GLB1L3: variants seen among roughly 807,000 people sequenced by gnomAD.
GLB1L3 encodes beta-galactosidase-1-like protein 3.
In GLB1L3, 89 loss-of-function variants were observed where a neutral mutation model predicts 89.5. That is an observed-to-expected ratio of 0.99 (90% CI 0.84 to 1.19). GLB1L3 has a LOEUF of 1.19. GLB1L3 is among the 50% of genes most tolerant of loss of function. The pLI is 0.00. For missense variants in GLB1L3, 812 were observed against 813.3 expected (o/e 1.00, Z 0.02); for synonymous variants, 314 against 312.3 (o/e 1.01, Z -0.06).
intron 8 of GLB1L3, 87 bp downstream of exon 8, chr11:134,292,300 C>CAGCGCACCAGCATGGCACATGT: frequency 1.2e-6 from 1 of 851,708 alleles, no homozygotes; most frequent in Non-Finnish European, 1.9e-6. Flanking sequence ...AAACCAAGTG[C>CAGCGCACCAGCATGGCACATGT]ATCTCGATAC....
chr11:134,308,979 A>C (rs1210316811), intron 10 of GLB1L3, among the ~76,000 whole-genome samples: 1 of 152,206 alleles, frequency 6.6e-6, no homozygotes, highest in Admixed American at 6.5e-5. Context: ...AACACAGTAC[A>C]AAATGGAAGT....
At chr11:134,308,634 T>C (rs1267538001) in intron 10 of GLB1L3, among the ~76,000 whole-genome samples, 25 of 107,754 alleles carry the variant, frequency 2.3e-4, no homozygotes, top group African/African-American at 6.0e-4. Context: ...ACCATCACCA[T>C]CAACACCATC....
downstream of GLB1L3, among the ~76,000 whole-genome samples, chr11:134,320,212 T>A (rs951671847): frequency 6.6e-6 from 1 of 152,134 alleles, no homozygotes. Flanking sequence ...TAGTAAGTAA[T>A]CTTGTGTCCA....
chr11:134,322,749 T>C (rs1057196072), downstream of GLB1L3, among the ~76,000 whole-genome samples: 6 of 152,242 alleles, frequency 3.9e-5, no homozygotes, highest in African/African-American at 1.2e-4. Flanking sequence ...GTATATTCTA[T>C]CCTTTTTCAT....
chr11:134,278,505 C>CA (rs1004141782), intron 3 of GLB1L3, among the ~76,000 whole-genome samples: 1 of 152,128 alleles, frequency 6.6e-6, no homozygotes, highest in African/African-American at 2.4e-5. Context: ...GGGCTGGTCT[C>CA]AAACTCCTGG....
At chr11:134,277,244 G>T (rs1940422402) in intron 1 of GLB1L3, 82 bp from the exon 2 acceptor site, 3 of 1,588,584 alleles carry the variant, frequency 1.9e-6, no homozygotes, top group Middle Eastern at 1.7e-4. Flanking sequence ...CCTCTAAAGC[G>T]CCCCCGGCAC....
At position 134,277,599 on chromosome 11, in the gene GLB1L3, T is replaced by G. The variant is rs1460814800; in HGVS notation, c.150-101T>G. 8 of 1,515,266 alleles carry G rather than the reference T, an allele frequency of 5.3e-6. No homozygotes were observed. The East Asian group carries it at 1.8e-4, about 35-fold the overall frequency. The allele number at this position is 1,515,266 out of a possible 1,614,324, so 93.9% of individuals were successfully genotyped here. A position where few individuals can be genotyped will look rare whatever the true frequency, so the allele number is the denominator to read the frequency against. On this transcript the variant is annotated intron_variant, in intron 2 of 19. Coordinates refer to ENST00000431683, the MANE Select transcript of GLB1L3 (RefSeq NM_001080407.3). The stretch of plus-strand genomic sequence containing the variant: ...AACATATGCACAGAACACGTCCTAC[T>G]AACAAAAACTTCTTTTCGCTAGGGT...
downstream of GLB1L3, chr11:134,319,691 C>CCTCTCTCTCT (rs34982949): frequency 1.4e-5 from 2 of 143,268 alleles, no homozygotes; most frequent in Non-Finnish European, 3.0e-5. Context: ...CGGTCTCCCT[C>CCTCTCTCTCT]CTCTCTCTCT....
In GLB1L3 at chr11:134,277,075, A is replaced by G. The variant is rs971261791; in HGVS notation, c.24-251A>G. Reference sequence around the variant, plus strand: ...CCGCCTCCGCCTCTCCCAGGCACCCACCGGCACTGCCCAGCCCTGTCTGGA... The same window carrying G: ...CCGCCTCCGCCTCTCCCAGGCACCCGCCGGCACTGCCCAGCCCTGTCTGGA... On this transcript the variant is annotated intron_variant, in intron 1 of 19. Coordinates refer to ENST00000431683, the MANE Select transcript of GLB1L3 (RefSeq NM_001080407.3). 3 of 588,954 alleles carry G rather than the reference A, an allele frequency of 5.1e-6. No homozygotes were observed. The African/African-American group carries it at 5.6e-5, about 11-fold the overall frequency. The allele number at this position is 588,954 out of a possible 1,614,324, so 36.5% of individuals were successfully genotyped here.
At chr11:134,309,472 T>TA (rs60843273) in intron 10 of GLB1L3, among the ~76,000 whole-genome samples, 154 bp from the exon 11 acceptor site, 18,131 of 152,090 alleles carry the variant, frequency 0.12, 1,234 homozygotes, top group Admixed American at 0.2. Flanking sequence ...TCATTTTACT[T>TA]AAAGTCTCCA....
At chr11:134,300,945 A>G (rs1293880595) in intron 9 of GLB1L3, among the ~76,000 whole-genome samples, 6 of 152,230 alleles carry the variant, frequency 3.9e-5, no homozygotes, top group Admixed American at 2.6e-4. Flanking sequence ...AGCCTGCAAC[A>G]GAGACTTGCC....
At chr11:134,323,401 ACAC>A (rs1251067582), downstream of GLB1L3, among the ~76,000 whole-genome samples, 1 of 26,158 alleles carries the variant, frequency 3.8e-5, no homozygotes, top group East Asian at 1.0e-3. Context: ...ACACGTACAC[ACAC>A]ACACACACAC....
At chr11:134,304,720 CTT>C (rs1942106047) in intron 9 of GLB1L3, among the ~76,000 whole-genome samples, 1 of 151,982 alleles carries the variant, frequency 6.6e-6, no homozygotes, top group African/African-American at 2.4e-5. Flanking sequence ...TTTTAGTTCT[CTT>C]TTTATGCTCT....
chr11:134,279,364 CTTTTTTT>C (rs10577769), intron 3 of GLB1L3, among the ~76,000 whole-genome samples: 2,067 of 108,344 alleles, frequency 0.019, 35 homozygotes, highest in African/African-American at 0.066. Flanking sequence ...TTTTCTTTTT[CTTTTTTT>C]TTTTTTTTTT....
At chr11:134,293,690 C>G (rs903885390) in intron 9 of GLB1L3, among the ~76,000 whole-genome samples, 1 of 151,926 alleles carries the variant, frequency 6.6e-6, no homozygotes, top group Non-Finnish European at 1.5e-5. Flanking sequence ...GAAGGACAAG[C>G]CACAGCCCAG....
chr11:134,296,392 C>T (rs1941639768), intron 9 of GLB1L3, among the ~76,000 whole-genome samples: 5 of 136,000 alleles, frequency 3.7e-5, no homozygotes, highest in South Asian at 2.7e-4. Context: ...CACATGCACA[C>T]GTATGTTTAT....
At chr11:134,306,778 A>G (rs1477263783) in intron 9 of GLB1L3, among the ~76,000 whole-genome samples, 1 of 152,262 alleles carries the variant, frequency 6.6e-6, no homozygotes, top group Non-Finnish European at 1.5e-5. Flanking sequence ...GTGGCATCTG[A>G]GTTTCTACAT....
chr11:134,299,394 CA>C (rs1432726310), intron 9 of GLB1L3, among the ~76,000 whole-genome samples: 1 of 152,096 alleles, frequency 6.6e-6, no homozygotes, highest in Non-Finnish European at 1.5e-5. Flanking sequence ...GCGCATCATG[CA>C]TAGGACATAG....
chr11:134,300,169 A>G (rs561713467), intron 9 of GLB1L3, among the ~76,000 whole-genome samples: 1 of 152,210 alleles, frequency 6.6e-6, no homozygotes, highest in South Asian at 2.1e-4. Context: ...AGGTGCTGGC[A>G]GGGTAGGTTT....
Sources: allele counts gnomAD v4.1 joint callset (sites outside exome capture counted in the v4.1 genomes callset), GRCh38; gene constraint gnomAD v4.1.1; transcripts MANE v1.5; gene names NCBI Gene and HGNC (gene_info 2026-07-23, HGNC 2026-07-21).